AMPH: variants seen among roughly 807,000 people sequenced by gnomAD.
AMPH encodes the protein amphiphysin.
In AMPH, 49 loss-of-function variants were observed where a neutral mutation model predicts 99.1. The ratio of observed to expected loss-of-function variants is 0.49; its 90% confidence interval spans 0.39 to 0.63. The LOEUF (loss-of-function observed/expected upper bound fraction) is 0.63, where lower values mean the gene tolerates loss of function less well. AMPH is among the 20% of genes least tolerant of loss of function. The pLI, the probability that AMPH is intolerant of heterozygous loss-of-function variation, is 0.00. For missense variants in AMPH, 759 were observed against 863.4 expected, an observed-to-expected ratio of 0.88 and a Z score of 1.52; for synonymous variants, 314 against 317.3, an observed-to-expected ratio of 0.99 and a Z score of 0.11.
At chr7:38,390,196 C>A (rs1161851688) in intron 19 of AMPH, among the ~76,000 whole-genome samples, 1 of 152,128 alleles carries the variant, frequency 6.6e-6, no homozygotes, top group East Asian at 1.9e-4. Context: ...ATCGCTGATG[C>A]TTTATTACTG....
chr7:38,623,755 T>C (rs921417258), intron 1 of AMPH, among the ~76,000 whole-genome samples: 1 of 152,100 alleles, frequency 6.6e-6, no homozygotes, highest in African/African-American at 2.4e-5. Context: ...ATGCACACCA[T>C]CCACAATATT....
At chr7:38,406,717 TCTCTCTCCCTTTC>T (rs1784998233) in intron 17 of AMPH, among the ~76,000 whole-genome samples, 1 of 118,840 alleles carries the variant, frequency 8.4e-6, no homozygotes, top group African/African-American at 2.9e-5. Context: ...TCCTCTCCTC[TCTCTCTCCCTTTC>T]CCTCTCTCTC....
At chr7:38,477,120 T>G in intron 5 of AMPH, 151 bp from the exon 6 acceptor site, 1 of 616,294 alleles carries the variant, frequency 1.6e-6, no homozygotes, top group Non-Finnish European at 2.9e-6. Flanking sequence ...GCTAAGTGAC[T>G]CCTGAAAATC....
rs2128987299 is a variant in AMPH at position 38,417,947 on chromosome 7, C to T, written c.1276G>A (p.Glu426Lys). The change falls in exon 17 of 21, where the codon GAA (glutamate) becomes AAA (lysine). Residue 426 changes from glutamate (E) to lysine (K), a missense_variant. Transcript: ENST00000356264. ...TDQSMICNLA[E>K]SEQAPPTEPK... ...TCTGTGGGTGGAGCCTGTTCAGATTCAGCCTTGGAGTGTTTGTTTTGAGGG... is the reference window on the plus strand; with the variant it reads ...TCTGTGGGTGGAGCCTGTTCAGATTTAGCCTTGGAGTGTTTGTTTTGAGGG... The T allele has an allele frequency of 6.2e-7, 1 of 1,613,884 alleles. No individual in the cohort carries two copies. The highest frequency in any genetic ancestry group is 8.5e-7 in the Non-Finnish European group (1 of 1,179,878).
At chr7:38,470,072 G>A (rs1787820991) in intron 7 of AMPH, among the ~76,000 whole-genome samples, 1 of 152,084 alleles carries the variant, frequency 6.6e-6, no homozygotes, top group African/African-American at 2.4e-5. Flanking sequence ...CTTGGGCCCT[G>A]TGGTATACCC....
intron 2 of AMPH, among the ~76,000 whole-genome samples, chr7:38,508,219 A>C (rs990773807): frequency 2.0e-5 from 3 of 152,174 alleles, no homozygotes; most frequent in Non-Finnish European, 4.4e-5. Context: ...TGTACTACCT[A>C]CTACCATGTG....
chr7:38,613,871 G>A (rs10228286), intron 1 of AMPH, among the ~76,000 whole-genome samples: 12,149 of 151,410 alleles, frequency 0.08, 803 homozygotes, highest in African/African-American at 0.17. Context: ...AACTGTGCTA[G>A]TGTAAGGAAC....
chr7:38,403,895 C>T (rs574593391), intron 17 of AMPH, among the ~76,000 whole-genome samples: 1 of 152,218 alleles, frequency 6.6e-6, no homozygotes. Context: ...GATGGCCGCA[C>T]CCCCAGTGAA....
At position 38,598,251 on chromosome 7, in the gene AMPH, T is replaced by TTTG. The variant is rs563678872; in HGVS notation, c.69+33029_69+33031dup. Among the ~76,000 whole-genome samples the TTTG allele has an allele frequency of 1.6e-3, 247 of 152,252 alleles. 1 individual carries two copies. The highest frequency in any genetic ancestry group is 5.6e-3 in the African/African-American group (232 of 41,550). ...GTCATTACTTGTGTTCGCAATGTTT[T>TTTG]TTGTTGTTGTTGTTGTTCTTTTGTT... On this transcript the variant is annotated intron_variant, in intron 1 of 20. Coordinates refer to ENST00000356264, the MANE Select transcript of AMPH (RefSeq NM_001635.4).
rs145498247 is a variant in AMPH at position 38,492,376 on chromosome 7, T to C, written c.301-1231A>G. ...CTTGCCCGTGAAGGCATGCTAAAAA[T>C]GGCAAACTTGGGCCCCTCATACTTG... is the stretch of plus-strand genomic sequence containing the variant. On this transcript the variant is annotated intron_variant, in intron 4 of 20. Transcript: ENST00000356264. Among the ~76,000 whole-genome samples the C allele has an allele frequency of 4.9e-4, 74 of 152,300 alleles. 2 individuals are homozygous for C. In the East Asian group the frequency reaches 0.013, roughly 26 times the overall value.
rs548391469 is a variant in AMPH at position 38,622,106 on chromosome 7, G to C, written c.69+9177C>G. ...GTGACAGCATTTCCATTATGTAAAT[G>C]TTAGCCATTTACTGAGAATGTAGGA... On this transcript the variant is annotated intron_variant, in intron 1 of 20. Transcript: ENST00000356264. Among the ~76,000 whole-genome samples the C allele has an allele frequency of 8.5e-5, 13 of 152,258 alleles. No individual in the cohort carries two copies. The East Asian group carries it at 2.5e-3, about 29-fold the overall frequency.
chr7:38,460,906 T>C (rs773051499), intron 11 of AMPH, among the ~76,000 whole-genome samples: 24 of 152,182 alleles, frequency 1.6e-4, no homozygotes, highest in Non-Finnish European at 2.9e-4. Flanking sequence ...AGGTGATAGA[T>C]ACCCCAAATA....
In AMPH at chr7:38,615,921, G is replaced by A. The variant is rs567763608; in HGVS notation, c.69+15362C>T. Among the ~76,000 whole-genome samples the A allele has an allele frequency of 3.9e-4, 59 of 152,280 alleles. 1 individual carries two copies. In the South Asian group the frequency reaches 0.012, roughly 31 times the overall value. On this transcript the variant is annotated intron_variant, in intron 1 of 20. Coordinates refer to ENST00000356264, the MANE Select transcript of AMPH (RefSeq NM_001635.4). ...CAATGAAGGTGAGCCTGAGCCAGTG[G>A]GTGCATGCCATGCCACTGGCCTCTG...
At chr7:38,545,408 G>T (rs747786267) in intron 1 of AMPH, among the ~76,000 whole-genome samples, 8 of 152,062 alleles carry the variant, frequency 5.3e-5, no homozygotes, top group Admixed American at 1.3e-4. Flanking sequence ...CTATTTGAAA[G>T]TTCAGTTTGT....
intron 1 of AMPH, among the ~76,000 whole-genome samples, chr7:38,618,609 A>C (rs1021133990): frequency 2.0e-5 from 3 of 152,208 alleles, no homozygotes; most frequent in Non-Finnish European, 2.9e-5. Flanking sequence ...ATACAACAAA[A>C]GAGAGAAAAT....
At chr7:38,441,768 A>C (rs376690756) in intron 11 of AMPH, among the ~76,000 whole-genome samples, 6 of 94,552 alleles carry the variant, frequency 6.3e-5, no homozygotes, top group South Asian at 3.4e-4. Context: ...TATCATATAT[A>C]TGATATATAT....
At chr7:38,424,670 AT>A (rs1261940142) in intron 15 of AMPH, among the ~76,000 whole-genome samples, 1 of 152,150 alleles carries the variant, frequency 6.6e-6, no homozygotes, top group Non-Finnish European at 1.5e-5. Context: ...GCCATGAAAT[AT>A]TTTTTTAAAA....
Position 38,461,359 on chromosome 7 carries a change from T to C in AMPH, c.941A>G (p.Glu314Gly). Residue 314 changes from glutamate to glycine, a missense_variant, in exon 11 of 21, where the codon GAA (glutamate) becomes GGA (glycine). By Grantham distance (98) the Glu-to-Gly change is moderately conservative. Around this residue, in one of 2 missense-constraint regions of AMPH, gnomAD observed 554 missense variants for 575.6 expected, o/e 0.96. Transcript: ENST00000356264. ...ACTGATGATGTTCTCCTGCTGCAGT[T>C]CCTTTGTCGGGGTGACTTTAGGTAG... ...PPLPKVTPTKELQQENIISFF... is the reference protein window; with the variant it reads ...PPLPKVTPTKGLQQENIISFF... 1 of 1,614,162 alleles carries C rather than the reference T, an allele frequency of 6.2e-7. No individual in the cohort carries two copies. Among genetic ancestry groups the C allele is most frequent in the Non-Finnish European group, 8.5e-7 (1 of 1,180,000 alleles).
chr7:38,508,522 A>G (rs1789419348), intron 2 of AMPH, among the ~76,000 whole-genome samples: 1 of 152,216 alleles, frequency 6.6e-6, no homozygotes, highest in South Asian at 2.1e-4. Flanking sequence ...TTGCCTCTCC[A>G]ACTCAGAAAC....
Sources: gnomAD v4.1 joint callset for allele counts (sites outside exome capture counted in the v4.1 genomes callset) on GRCh38, gnomAD v4.1.1 for gene constraint, gnomAD v4.1.1 regional missense constraint, MANE v1.5 for transcripts, NCBI Gene and HGNC (gene_info 2026-07-23, HGNC 2026-07-21) for gene names.